Variants in PPM1L observed in about 807,000 individuals in gnomAD.
The protein encoded by PPM1L is protein phosphatase 1L.
PPM1L carries 13 observed loss-of-function variants against 31.4 expected under a neutral mutation model. The ratio of observed to expected loss-of-function variants is 0.41; its 90% confidence interval spans 0.27 to 0.66. PPM1L has a LOEUF of 0.66. PPM1L is among the 30% of genes least tolerant of loss of function. PPM1L has a pLI of 0.29. For synonymous variants in PPM1L, 184 were observed against 175.4 expected (o/e 1.05, Z -0.39); for missense variants, 326 against 453.7 (o/e 0.72, Z 2.56).
chr3:160,813,821 CAG>C lies in PPM1L; in HGVS notation c.399+57118_399+57119del, dbSNP rs1712886322. ...TATTACTCTCTGATAACCCTTGCCTCAGAGATTCAGAAGTGAAGTTGGTACAT... is the reference window on the plus strand; with the variant it reads ...TATTACTCTCTGATAACCCTTGCCTCAGATTCAGAAGTGAAGTTGGTACAT... On this transcript the variant is annotated intron_variant, in intron 1 of 3. Coordinates refer to ENST00000498165, the MANE Select transcript of PPM1L (RefSeq NM_139245.4). Among the ~76,000 whole-genome samples, 5 of 152,290 alleles carry C rather than the reference CAG, an allele frequency of 3.3e-5. No homozygotes were observed. In the South Asian group the frequency reaches 1.0e-3, roughly 32 times the overall value.
chr3:160,827,312 A>G (rs1576657183), intron 1 of PPM1L, among the ~76,000 whole-genome samples: 1 of 151,898 alleles, frequency 6.6e-6, no homozygotes, highest in Non-Finnish European at 1.5e-5. Context: ...TTACTGGCTG[A>G]TTTTTTAAAA....
intron 2 of PPM1L, among the ~76,000 whole-genome samples, chr3:160,972,570 G>A: frequency 6.6e-6 from 1 of 152,146 alleles, no homozygotes. Flanking sequence ...TGGTGTATAT[G>A]TGCCACATTT....
At chr3:160,864,241 G>A (rs1712007156) in intron 1 of PPM1L, among the ~76,000 whole-genome samples, 1 of 152,058 alleles carries the variant, frequency 6.6e-6, no homozygotes, top group Non-Finnish European at 1.5e-5. Context: ...GGATTGCAGT[G>A]GTGTGATCAC....
chr3:160,767,004 G>A (rs970347631), intron 1 of PPM1L, among the ~76,000 whole-genome samples: 1 of 150,652 alleles, frequency 6.6e-6, no homozygotes, highest in Non-Finnish European at 1.5e-5. Context: ...GTTACTAGGT[G>A]GAGAGACATT....
intron 1 of PPM1L, among the ~76,000 whole-genome samples, chr3:160,833,915 C>CT: frequency 6.6e-6 from 1 of 151,236 alleles, no homozygotes; most frequent in Admixed American, 6.6e-5. Flanking sequence ...GGGATTTATA[C>CT]TTAAGTCTTT....
intron 1 of PPM1L, among the ~76,000 whole-genome samples, chr3:160,789,629 T>C (rs1453233251): frequency 6.6e-6 from 1 of 152,064 alleles, no homozygotes; most frequent in Non-Finnish European, 1.5e-5. Context: ...ATATGTACTT[T>C]TTTGTTTTAT....
At chr3:160,970,979 A>C (rs2108116361) in intron 2 of PPM1L, among the ~76,000 whole-genome samples, 1 of 152,048 alleles carries the variant, frequency 6.6e-6, no homozygotes, top group East Asian at 1.9e-4. Context: ...TTTAGTAGAG[A>C]CGGGGTTTCA....
chr3:160,831,790 A>C (rs1560119446), intron 1 of PPM1L, among the ~76,000 whole-genome samples: 1 of 152,002 alleles, frequency 6.6e-6, no homozygotes, highest in African/African-American at 2.4e-5. Context: ...TATCTTAAGG[A>C]ATCTTCAGCT....
At chr3:160,978,072 G>A (rs763004447) in intron 2 of PPM1L, among the ~76,000 whole-genome samples, 5 of 152,174 alleles carry the variant, frequency 3.3e-5, no homozygotes, top group Non-Finnish European at 7.3e-5. Flanking sequence ...GAATGAAAGA[G>A]GAAACAAGGA....
At chr3:160,811,007 C>T (rs957797823) in intron 1 of PPM1L, among the ~76,000 whole-genome samples, 5 of 152,214 alleles carry the variant, frequency 3.3e-5, no homozygotes, top group Admixed American at 6.5e-5. Flanking sequence ...CTTAAATCTC[C>T]CTCAGTTTCT....
At chr3:160,995,713 G>T (rs963275367) in intron 2 of PPM1L, among the ~76,000 whole-genome samples, 2 of 152,172 alleles carry the variant, frequency 1.3e-5, no homozygotes, top group Non-Finnish European at 2.9e-5. Context: ...TTGATGCAGG[G>T]GAGAGAAATA....
chr3:161,068,717 T>C (rs1334539825), intron 3 of PPM1L, 94 bp from the exon 4 acceptor site: 3 of 1,020,660 alleles, frequency 2.9e-6, no homozygotes, highest in East Asian at 5.1e-5. Flanking sequence ...CCAGTTCACA[T>C]GAAGTAGGTC....
intron 1 of PPM1L, among the ~76,000 whole-genome samples, chr3:160,911,892 C>G (rs917656950): frequency 6.6e-6 from 1 of 152,166 alleles, no homozygotes; most frequent in African/African-American, 2.4e-5. Context: ...AATTCATCTG[C>G]TTCTCGGAGT....
At chr3:160,921,580 C>A (rs1714408564) in intron 1 of PPM1L, among the ~76,000 whole-genome samples, 1 of 151,930 alleles carries the variant, frequency 6.6e-6, no homozygotes, top group African/African-American at 2.4e-5. Flanking sequence ...ATATGTATTT[C>A]TTTTTAAAAA....
intron 1 of PPM1L, among the ~76,000 whole-genome samples, chr3:160,784,909 A>G (rs1711859530): frequency 6.6e-6 from 1 of 152,222 alleles, no homozygotes; most frequent in Non-Finnish European, 1.5e-5. Context: ...TAGGATTGGA[A>G]AGACAAAAGT....
chr3:160,846,112 C>T (rs1319072338), intron 1 of PPM1L, among the ~76,000 whole-genome samples: 1 of 152,052 alleles, frequency 6.6e-6, no homozygotes, highest in Non-Finnish European at 1.5e-5. Context: ...GGAAAGGTTT[C>T]TCACTGAAGG....
chr3:161,020,589 G>A (rs1246849486), intron 2 of PPM1L, among the ~76,000 whole-genome samples: 3 of 152,104 alleles, frequency 2.0e-5, no homozygotes, highest in Non-Finnish European at 4.4e-5. Flanking sequence ...CCTTCCTCTT[G>A]TATTTTTTGG....
Position 160,860,776 on chromosome 3 carries a change from G to T in PPM1L, c.400-100960G>T, listed in dbSNP as rs552112510. ...TGCTGGCAGATCTGGTGTCTGATGA[G>T]GTTCCTCTTCCTACTTTGCAGGTGG... On this transcript the variant is annotated intron_variant, in intron 1 of 3. Transcript: ENST00000498165. 1.6e-4 allele frequency among the ~76,000 whole-genome samples: 24 copies of T among 152,258 alleles called. No individual in the cohort carries two copies. In the East Asian group the frequency reaches 2.7e-3, roughly 17 times the overall value.
intron 1 of PPM1L, among the ~76,000 whole-genome samples, chr3:160,929,210 C>T (rs1714700850): frequency 6.6e-6 from 1 of 152,086 alleles, no homozygotes; most frequent in Non-Finnish European, 1.5e-5. Context: ...GAGGAAGCTC[C>T]TCCCTACCCC....
Sources: allele counts gnomAD v4.1 joint callset (sites outside exome capture counted in the v4.1 genomes callset), GRCh38; gene constraint gnomAD v4.1.1; transcripts MANE v1.5; gene names NCBI Gene and HGNC (gene_info 2026-07-23, HGNC 2026-07-21).